NCAPG2: variants seen among roughly 807,000 people sequenced by gnomAD.
The protein encoded by NCAPG2 is condensin-2 complex subunit G2.
Under a neutral mutation model 141.1 loss-of-function variants are expected in NCAPG2, and 53 were observed. The observed-to-expected ratio is 0.38, with a 90% CI of 0.30 to 0.47. The LOEUF (loss-of-function observed/expected upper bound fraction) is 0.47. Among genes scored for constraint, NCAPG2 ranks in the 20% least tolerant of loss-of-function variants. NCAPG2 has a pLI of 0.99. For synonymous variants in NCAPG2, 499 were observed against 490.7 expected, an observed-to-expected ratio of 1.02 and a Z score of -0.22; for missense variants, 1,087 against 1,389.0, an observed-to-expected ratio of 0.78 and a Z score of 3.46.
At chr7:158,691,493 A>G (rs1006218423) in intron 4 of NCAPG2, among the ~76,000 whole-genome samples, 2 of 152,234 alleles carry the variant, frequency 1.3e-5, no homozygotes, top group Non-Finnish European at 2.9e-5. Context: ...ATGTACTATA[A>G]AACATACATA....
chr7:158,684,020 A>G (rs1297699653), intron 8 of NCAPG2, among the ~76,000 whole-genome samples: 3 of 152,184 alleles, frequency 2.0e-5, no homozygotes, highest in African/African-American at 4.8e-5. Context: ...ACACATGAGC[A>G]GGATTTCTGT....
At chr7:158,702,124 T>C (rs1427348473) in intron 1 of NCAPG2, 186 bp from the exon 2 acceptor site, 1 of 452,726 alleles carries the variant, frequency 2.2e-6, no homozygotes, top group South Asian at 3.5e-5. Flanking sequence ...TTTCCTTTAC[T>C]GGGGATGTGA....
intron 23 of NCAPG2, 90 bp from the exon 24 acceptor site, chr7:158,651,062 A>G (rs1405528677): frequency 2.3e-6 from 3 of 1,325,218 alleles, no homozygotes; most frequent in African/African-American, 3.0e-5. Flanking sequence ...TATTCTTACT[A>G]TCCTCCCCCA....
chr7:158,680,008 A>G lies in NCAPG2; in HGVS notation c.1098T>C (p.His366=), dbSNP rs2129467517. 1 of 1,614,192 alleles carries G rather than the reference A, an allele frequency of 6.2e-7. No homozygotes were observed. Among genetic ancestry groups the G allele is most frequent in the Non-Finnish European group, 8.5e-7 (1 of 1,180,022 alleles). The change falls in exon 11 of 28, where the codon CAT becomes CAC. Residue 366 remains histidine (H), a synonymous_variant. Transcript: ENST00000356309. ...GGATTTCACTATCCATTTCAATAGCATGAAGGTTTGGATCCCTAATAGGAA... is the reference window on the plus strand; with the variant it reads ...GGATTTCACTATCCATTTCAATAGCGTGAAGGTTTGGATCCCTAATAGGAA... ...EAFPIRDPNL[H]AIEMDSEIQK... is the part of the protein sequence containing the mutation.
intron 11 of NCAPG2, among the ~76,000 whole-genome samples, chr7:158,678,146 T>TA (rs1834214955): frequency 3.3e-5 from 5 of 151,436 alleles, no homozygotes; most frequent in Admixed American, 3.3e-4. Context: ...TACTCAGGTT[T>TA]AAGAAATACC....
At chr7:158,680,283 A>G (rs1258522508) in intron 10 of NCAPG2, among the ~76,000 whole-genome samples, 198 bp from the exon 11 acceptor site, 1 of 152,174 alleles carries the variant, frequency 6.6e-6, no homozygotes, top group Non-Finnish European at 1.5e-5. Context: ...AAGCTTCCTC[A>G]CTTCAAAGCC....
intron 13 of NCAPG2, chr7:158,667,016 G>T: frequency 3.5e-6 from 2 of 567,940 alleles, no homozygotes; most frequent in Non-Finnish European, 4.5e-6. Context: ...CCTGCCCATA[G>T]ACAATGCCCT....
intron 26 of NCAPG2, among the ~76,000 whole-genome samples, chr7:158,644,691 C>G (rs1262043219): frequency 6.6e-6 from 1 of 152,128 alleles, no homozygotes; most frequent in East Asian, 1.9e-4. Flanking sequence ...GTTTAACTAT[C>G]GCAGGTAGTT....
intron 8 of NCAPG2, 52 bp downstream of exon 8, chr7:158,686,120 G>A: frequency 9.1e-7 from 1 of 1,102,230 alleles, no homozygotes; most frequent in Non-Finnish European, 1.3e-6. Flanking sequence ...TACTTATTTA[G>A]TAACTAAAAT....
At chr7:158,691,586 G>C (rs1835120854) in intron 4 of NCAPG2, among the ~76,000 whole-genome samples, 1 of 152,142 alleles carries the variant, frequency 6.6e-6, no homozygotes, top group African/African-American at 2.4e-5. Context: ...TGAAGGATGA[G>C]GGTATGTGAA....
chr7:158,656,672 C>G lies in NCAPG2; in HGVS notation c.2094G>C (p.Glu698Asp), dbSNP rs1482622301. ...AGTAGCTCTTGTCCACAGCGCCCTC[C>G]TCCCGGCTTCTCAGCGTGGAAATCA... Reference protein sequence around the residue: ...CGVISTLRSREEGAVDKSYCT... With the variant: ...CGVISTLRSRDEGAVDKSYCT... The change falls in exon 18 of 28, where the codon GAG (glutamate) becomes GAC (aspartate). Residue 698 changes from glutamate to aspartate, a missense_variant. Glu to Asp is a conservative substitution (Grantham distance 45). Coordinates refer to ENST00000356309, the MANE Select transcript of NCAPG2 (RefSeq NM_017760.7). 3.7e-6 allele frequency: 6 copies of G among 1,614,116 alleles called. No homozygotes were observed. The South Asian group carries it at 6.6e-5, about 18-fold the overall frequency.
intron 13 of NCAPG2, among the ~76,000 whole-genome samples, chr7:158,670,107 C>T (rs1262267537): frequency 6.6e-6 from 1 of 152,190 alleles, no homozygotes; most frequent in Non-Finnish European, 1.5e-5. Context: ...CACACATGGT[C>T]AATGATTTTC....
Position 158,687,357 on chromosome 7 carries a change from C to A in NCAPG2, c.758G>T (p.Gly253Val), listed in dbSNP as rs764861123. ...IHGTIKNQLQGLQKSLMVYIA... is the reference protein window; with the variant it reads ...IHGTIKNQLQVLQKSLMVYIA... ...TACTTTTAACACTTACTTTTGTAAT[C>A]CCTGTAACTGGTTTTTAATGGTCCC... Residue 253 changes from glycine (G) to valine (V), a missense_variant, in exon 7 of 28, where the codon GGA becomes GTA. Gly to Val is a moderately radical substitution (Grantham distance 109, BLOSUM62 -3). Coordinates refer to ENST00000356309, the MANE Select transcript of NCAPG2 (RefSeq NM_017760.7). 2 of 1,606,622 alleles carry A rather than the reference C, an allele frequency of 1.2e-6. No individual in the cohort carries two copies. Among genetic ancestry groups the A allele is most frequent in the Non-Finnish European group, 1.7e-6 (2 of 1,175,516 alleles).
At chr7:158,675,751 T>TA in intron 11 of NCAPG2, 95 bp from the exon 12 acceptor site, 1 of 1,286,890 alleles carries the variant, frequency 7.8e-7, no homozygotes, top group Non-Finnish European at 1.1e-6. Flanking sequence ...ATTCGTAACT[T>TA]AGAGAAACTT....
At position 158,687,381 on chromosome 7, in the gene NCAPG2, C is replaced by T. The variant is rs763857080; in HGVS notation, c.734G>A (p.Gly245Glu). 1.2e-6 allele frequency: 2 copies of T among 1,610,230 alleles called. No individual in the cohort carries two copies. Among genetic ancestry groups the T allele is most frequent in the Admixed American group, 3.4e-5 (2 of 59,520 alleles). ...WNINFIKMIH[G>E]TIKNQLQGLQ... ...TCCCTGTAACTGGTTTTTAATGGTC[C>T]CGTGGATCATTTTGATGAAGTTGAT... The change falls in exon 7 of 28, where the codon GGG becomes GAG. Residue 245 changes from glycine to glutamate, a missense_variant. By Grantham distance (98) the Gly-to-Glu change is moderately conservative (BLOSUM62 -2). Coordinates refer to ENST00000356309, the MANE Select transcript of NCAPG2 (RefSeq NM_017760.7).
At chr7:158,673,887 G>T (rs1833898872) in intron 12 of NCAPG2, among the ~76,000 whole-genome samples, 1 of 152,224 alleles carries the variant, frequency 6.6e-6, no homozygotes, top group Admixed American at 6.5e-5. Flanking sequence ...ACAAGGGAAT[G>T]GTGTAGGAAT....
At chr7:158,663,881 T>C (rs1832721079) in intron 15 of NCAPG2, among the ~76,000 whole-genome samples, 1 of 152,190 alleles carries the variant, frequency 6.6e-6, no homozygotes. Flanking sequence ...CAGAATCCAA[T>C]CCAGCCATGC....
rs540019460 is a variant in NCAPG2, at chr7:158,655,554, C to T, written c.2389-99G>A. 2.6e-5 allele frequency: 26 copies of T among 999,536 alleles called. No individual in the cohort carries two copies. In the East Asian group the frequency reaches 5.7e-4, roughly 22 times the overall value. 61.9% of individuals were successfully genotyped at this position (999,536 alleles called of 1,614,324 possible). The stretch of plus-strand genomic sequence containing the variant: ...GGGAAGCACCTGATCCTCAGGCGAG[C>T]TGAAAAGACCCCCGCTCTGGTGAAG... On this transcript the variant is annotated intron_variant, in intron 19 of 27. Transcript: ENST00000356309.
At position 158,632,654 on chromosome 7, in the gene NCAPG2, C is replaced by CA. The variant is rs1829966293; in HGVS notation, c.3381-938dup. ...TCTACCTGGTCTTCACCTTTGGAGA[C>CA]AGACTGCTGTCTACCACAGCCCCTG... On this transcript the variant is annotated intron_variant, in intron 27 of 27. Transcript: ENST00000356309. 2.6e-5 allele frequency among the ~76,000 whole-genome samples: 4 copies of CA among 152,362 alleles called. No individual in the cohort carries two copies. The South Asian group carries it at 8.3e-4, about 32-fold the overall frequency.
Sources: gnomAD v4.1 joint callset for allele counts (sites outside exome capture counted in the v4.1 genomes callset) on GRCh38, gnomAD v4.1.1 for gene constraint, MANE v1.5 for transcripts, NCBI Gene and HGNC (gene_info 2026-07-23, HGNC 2026-07-21) for gene names.